NTM: variants seen among roughly 807,000 people sequenced by gnomAD.
The protein encoded by NTM is neurotrimin.
NTM carries 13 observed loss-of-function variants against 42.1 expected under a neutral mutation model. The observed-to-expected ratio is 0.31, with a 90% CI of 0.20 to 0.49. The LOEUF (loss-of-function observed/expected upper bound fraction) is 0.49, where lower values mean the gene tolerates loss of function less well. Ranked by LOEUF, NTM falls within the 20% of genes least tolerant of loss-of-function variation. NTM has a pLI of 0.99. For synonymous variants in NTM, 187 were observed against 179.2 expected (o/e 1.04, Z -0.35); for missense variants, 373 against 452.8 (o/e 0.82, Z 1.60).
At chr11:131,748,273 C>G (rs1326767290) in intron 1 of NTM, among the ~76,000 whole-genome samples, 1 of 152,186 alleles carries the variant, frequency 6.6e-6, no homozygotes, top group Non-Finnish European at 1.5e-5. Context: ...ACGGTGGACA[C>G]ACACTTGCCA....
intron 3 of NTM, among the ~76,000 whole-genome samples, chr11:132,187,919 C>G (rs1177232732): frequency 1.3e-5 from 2 of 152,166 alleles, no homozygotes; most frequent in Non-Finnish European, 2.9e-5. Context: ...TGCAATCTGT[C>G]CCTCTGACTA....
intron 2 of NTM, among the ~76,000 whole-genome samples, chr11:132,062,609 A>C (rs554332641): frequency 6.6e-6 from 1 of 152,302 alleles, no homozygotes; most frequent in East Asian, 1.9e-4. Flanking sequence ...GGCCACAAAC[A>C]TTATGCATAG....
intron 1 of NTM, among the ~76,000 whole-genome samples, chr11:131,766,639 A>C (rs2085156666): frequency 1.3e-5 from 2 of 152,178 alleles, no homozygotes; most frequent in South Asian, 4.1e-4. Flanking sequence ...CAGACAGAGC[A>C]GCCTCCATTA....
At chr11:131,462,336 T>C (rs1951458407) in intron 1 of NTM, among the ~76,000 whole-genome samples, 1 of 152,228 alleles carries the variant, frequency 6.6e-6, no homozygotes. Context: ...CATAACTATA[T>C]GTTTGTTCAA....
intron 2 of NTM, among the ~76,000 whole-genome samples, chr11:132,108,691 A>T (rs542965994): frequency 2.0e-5 from 3 of 152,250 alleles, no homozygotes; most frequent in East Asian, 3.9e-4. Flanking sequence ...TAAAAAATTT[A>T]AAAAAAATTC....
At chr11:132,279,152 C>A (rs776933189) in intron 4 of NTM, among the ~76,000 whole-genome samples, 3 of 152,160 alleles carry the variant, frequency 2.0e-5, no homozygotes, top group Non-Finnish European at 4.4e-5. Flanking sequence ...ATTTTAGATG[C>A]CTTCTTTTTA....
At chr11:131,655,814 G>C (rs1367732704) in intron 1 of NTM, among the ~76,000 whole-genome samples, 1 of 152,256 alleles carries the variant, frequency 6.6e-6, no homozygotes, top group Non-Finnish European at 1.5e-5. Flanking sequence ...GAAAGTAAAA[G>C]TGCTGCTCAG....
intron 2 of NTM, among the ~76,000 whole-genome samples, chr11:132,049,176 A>C (rs2135895309): frequency 6.6e-6 from 1 of 152,262 alleles, no homozygotes; most frequent in Non-Finnish European, 1.5e-5. Context: ...GAAATCAGAC[A>C]CATCTGACAA....
intron 3 of NTM, among the ~76,000 whole-genome samples, chr11:132,155,545 A>G (rs745900656): frequency 2.0e-5 from 3 of 149,582 alleles, no homozygotes; most frequent in Admixed American, 6.6e-5. Context: ...GCGGAGCTCT[A>G]TTGCTCCTGG....
At chr11:132,076,441 A>G (rs531441898) in intron 2 of NTM, among the ~76,000 whole-genome samples, 10 of 152,326 alleles carry the variant, frequency 6.6e-5, no homozygotes, top group African/African-American at 2.2e-4. Context: ...GTTGAGGCCA[A>G]CTATGGAGAA....
chr11:132,224,594 C>A (rs1352786268), intron 4 of NTM, among the ~76,000 whole-genome samples: 1 of 152,150 alleles, frequency 6.6e-6, no homozygotes, highest in Non-Finnish European at 1.5e-5. Flanking sequence ...TGTGGCAGGG[C>A]AGAAACCCCT....
chr11:132,090,308 A>G lies in NTM; in HGVS notation c.168-55974A>G, dbSNP rs557764221. On this transcript the variant is annotated intron_variant, in intron 2 of 8. Transcript: ENST00000683400. ...CTCCTTGGCCCTTCACACCTTCCCT[A>G]TGGCAGAGAGCGTGTTAGGCCCACG... is the stretch of plus-strand genomic sequence containing the variant. Among the ~76,000 whole-genome samples, 8 of 152,242 alleles carry G rather than the reference A, an allele frequency of 5.3e-5. No individual in the cohort carries two copies. The South Asian group carries it at 1.7e-3, about 32-fold the overall frequency.
intron 2 of NTM, among the ~76,000 whole-genome samples, chr11:132,097,485 T>A (rs1459446853): frequency 2.6e-5 from 4 of 152,216 alleles, no homozygotes. Context: ...GTCCGTCCTG[T>A]GTCAGGCCTC....
intron 1 of NTM, among the ~76,000 whole-genome samples, chr11:131,674,471 T>G (rs2071004503): frequency 6.6e-6 from 1 of 152,250 alleles, no homozygotes; most frequent in Admixed American, 6.5e-5. Flanking sequence ...ATGGTGCTTC[T>G]GCTTCCCTGC....
At chr11:131,720,334 G>T (rs1486739119) in intron 1 of NTM, among the ~76,000 whole-genome samples, 1 of 152,208 alleles carries the variant, frequency 6.6e-6, no homozygotes, top group Non-Finnish European at 1.5e-5. Flanking sequence ...CCCAGGATTT[G>T]TGATTATGCT....
chr11:131,734,357 T>C (rs2080132433), intron 1 of NTM, among the ~76,000 whole-genome samples: 1 of 152,214 alleles, frequency 6.6e-6, no homozygotes, highest in Admixed American at 6.5e-5. Flanking sequence ...TGACCCTTTC[T>C]GACTCTGATT....
At chr11:132,105,622 A>G (rs758538261) in intron 2 of NTM, among the ~76,000 whole-genome samples, 1 of 152,170 alleles carries the variant, frequency 6.6e-6, no homozygotes, top group East Asian at 1.9e-4. Context: ...TTCCAGGGTC[A>G]GTATGAGACT....
At chr11:131,941,195 T>C (rs2134213472) in intron 2 of NTM, among the ~76,000 whole-genome samples, 2 of 152,336 alleles carry the variant, frequency 1.3e-5, no homozygotes, top group Non-Finnish European at 2.9e-5. Context: ...TAGCTGACAT[T>C]TTTCAATATT....
intron 1 of NTM, among the ~76,000 whole-genome samples, chr11:131,653,977 C>T (rs1368270795): frequency 1.3e-5 from 2 of 152,192 alleles, no homozygotes; most frequent in Non-Finnish European, 2.9e-5. Flanking sequence ...ATACCTTCTT[C>T]TCCATCAGCA....
Sources: allele counts gnomAD v4.1 joint callset (sites outside exome capture counted in the v4.1 genomes callset), GRCh38; gene constraint gnomAD v4.1.1; transcripts MANE v1.5; gene names NCBI Gene and HGNC (gene_info 2026-07-23, HGNC 2026-07-21).